The following MGAT5 variants were observed in gnomAD, a reference collection of about 807,000 sequenced individuals.
MGAT5 encodes the protein alpha-1,6-mannosylglycoprotein 6-beta-N-acetylglucosaminyltransferase.
Under a neutral mutation model 94.3 loss-of-function variants are expected in MGAT5, and 30 were observed. The observed-to-expected ratio is 0.32, with a 90% CI of 0.24 to 0.43. MGAT5 has a LOEUF of 0.43. Ranked by LOEUF, MGAT5 falls within the 20% of genes least tolerant of loss-of-function variation. The pLI is 1.00. For synonymous variants in MGAT5, 310 were observed against 322.9 expected, an observed-to-expected ratio of 0.96 and a Z score of 0.43; for missense variants, 691 against 905.5, an observed-to-expected ratio of 0.76 and a Z score of 3.04.
rs143288907 is a variant in MGAT5, at chr2:134,303,277, T to A, written c.407-14252T>A. On this transcript the variant is annotated intron_variant, in intron 2 of 15. Transcript: ENST00000281923. ...TAGTTCTCCAACAGTTGCGTCATCTTGTTTTTGTTGACTGTTTTTCTTGCC... is the reference window on the plus strand; with the variant it reads ...TAGTTCTCCAACAGTTGCGTCATCTAGTTTTTGTTGACTGTTTTTCTTGCC... Among the ~76,000 whole-genome samples the A allele has an allele frequency of 3.2e-3, 494 of 152,318 alleles. 4 individuals are homozygous for A. Among genetic ancestry groups the A allele is most frequent in the African/African-American group, 0.011 (474 of 41,580 alleles).
At chr2:134,274,257 A>G (rs544435283) in intron 2 of MGAT5, among the ~76,000 whole-genome samples, 2 of 152,324 alleles carry the variant, frequency 1.3e-5, no homozygotes, top group South Asian at 4.1e-4. Context: ...ATTGGTTTCT[A>G]TTGGAGGGAA....
chr2:134,338,512 C>T, intron 6 of MGAT5, 92 bp downstream of exon 6: 1 of 1,342,448 alleles, frequency 7.4e-7, no homozygotes, highest in Non-Finnish European at 1.0e-6. Flanking sequence ...AATGTCATAT[C>T]TCAAATGATA....
At chr2:134,143,783 T>G (rs1213239176) in intron 1 of MGAT5, among the ~76,000 whole-genome samples, 2 of 152,240 alleles carry the variant, frequency 1.3e-5, no homozygotes, top group East Asian at 3.8e-4. Flanking sequence ...GGTTACTGTG[T>G]ATTCATTTAA....
intron 10 of MGAT5, among the ~76,000 whole-genome samples, chr2:134,400,864 T>A (rs551655497): frequency 6.6e-6 from 1 of 152,094 alleles, no homozygotes; most frequent in South Asian, 2.1e-4. Context: ...TGTAGATGAG[T>A]GAAATCCACA....
intron 2 of MGAT5, among the ~76,000 whole-genome samples, chr2:134,279,543 C>T (rs373686747): frequency 1.3e-5 from 2 of 152,088 alleles, no homozygotes; most frequent in Non-Finnish European, 1.5e-5. Flanking sequence ...TGTTTCATTT[C>T]GAAAAGTGAG....
rs1558841803 is a variant in MGAT5, at chr2:134,381,391, T to TA, written c.1380+18984dup. Among the ~76,000 whole-genome samples the TA allele has an allele frequency of 2.5e-3, 196 of 79,952 alleles. 3 individuals carry two copies. The highest frequency in any genetic ancestry group is 7.4e-3 in the African/African-American group (152 of 20,546). 52.5% of individuals were successfully genotyped at this position (79,952 alleles called of 152,430 possible). A position where few individuals can be genotyped will look rare whatever the true frequency, so the allele number is the denominator to read the frequency against. ...GATAAGATAAGATAGATTAGATAGA[T>TA]AGATAGATAGATAGATAGATAGATA... is the stretch of plus-strand genomic sequence containing the variant. On this transcript the variant is annotated intron_variant, in intron 10 of 15. Coordinates refer to ENST00000281923, the MANE Select transcript of MGAT5 (RefSeq NM_002410.5).
intron 1 of MGAT5, among the ~76,000 whole-genome samples, chr2:134,182,744 C>T (rs1228486802): frequency 3.4e-5 from 5 of 146,532 alleles, no homozygotes; most frequent in African/African-American, 1.2e-4. Flanking sequence ...TTCTTTGTTA[C>T]ATAAATGGAA....
At chr2:134,398,223 C>T (rs141028341) in intron 10 of MGAT5, among the ~76,000 whole-genome samples, 7 of 152,296 alleles carry the variant, frequency 4.6e-5, no homozygotes, top group East Asian at 1.9e-4. Flanking sequence ...TTTTGGATGA[C>T]GTGAGCTGTG....
At chr2:134,283,130 A>T (rs894730975) in intron 2 of MGAT5, among the ~76,000 whole-genome samples, 2 of 152,092 alleles carry the variant, frequency 1.3e-5, no homozygotes, top group Non-Finnish European at 2.9e-5. Flanking sequence ...ATGTGATGAG[A>T]CTTGTGTGCG....
chr2:134,224,467 T>C (rs1274165410), intron 1 of MGAT5, among the ~76,000 whole-genome samples: 1 of 152,170 alleles, frequency 6.6e-6, no homozygotes, highest in East Asian at 1.9e-4. Context: ...GAGAAGAGTG[T>C]TTATAGCTTT....
chr2:134,424,704 T>A (rs1198085993), intron 13 of MGAT5, among the ~76,000 whole-genome samples: 1 of 152,188 alleles, frequency 6.6e-6, no homozygotes, highest in Non-Finnish European at 1.5e-5. Context: ...TTCTCTCTGT[T>A]CTGGAAGCAA....
intron 10 of MGAT5, among the ~76,000 whole-genome samples, chr2:134,384,875 C>T (rs1681872450): frequency 6.6e-6 from 1 of 151,978 alleles, no homozygotes; most frequent in African/African-American, 2.4e-5. Flanking sequence ...ACAACTTTAC[C>T]TTTAAAAAGG....
chr2:134,336,602 G>A (rs918015750), intron 5 of MGAT5, among the ~76,000 whole-genome samples: 10 of 152,144 alleles, frequency 6.6e-5, no homozygotes, highest in African/African-American at 2.4e-4. Flanking sequence ...CACAAATGCT[G>A]TAATATAGGC....
intron 1 of MGAT5, among the ~76,000 whole-genome samples, chr2:134,139,615 C>G (rs935626532): frequency 1.3e-5 from 2 of 152,116 alleles, no homozygotes; most frequent in African/African-American, 4.8e-5. Flanking sequence ...ACAGCCCAGC[C>G]ATGAAAAGGA....
At chr2:134,337,850 T>C (rs1310475301) in intron 5 of MGAT5, among the ~76,000 whole-genome samples, 1 of 147,992 alleles carries the variant, frequency 6.8e-6, no homozygotes, top group East Asian at 1.9e-4. Context: ...ACTTCCACGT[T>C]GTCAAACAGC....
chr2:134,357,996 T>G (rs1463873417), intron 9 of MGAT5, among the ~76,000 whole-genome samples: 3 of 152,282 alleles, frequency 2.0e-5, no homozygotes, highest in African/African-American at 7.2e-5. Flanking sequence ...CTACCGTCGG[T>G]TTTATCAGGA....
At chr2:134,201,889 C>G (rs1679807366) in intron 1 of MGAT5, among the ~76,000 whole-genome samples, 1 of 138,778 alleles carries the variant, frequency 7.2e-6, no homozygotes, top group East Asian at 2.2e-4. Flanking sequence ...GATTAGCACT[C>G]TGGCTTGAAA....
At chr2:134,392,070 G>A (rs1189026171) in intron 10 of MGAT5, among the ~76,000 whole-genome samples, 3 of 152,186 alleles carry the variant, frequency 2.0e-5, no homozygotes, top group Admixed American at 1.3e-4. Context: ...GCACTCAGAA[G>A]CTGCCTGAGA....
intron 5 of MGAT5, among the ~76,000 whole-genome samples, chr2:134,337,337 T>C (rs1688391601): frequency 6.6e-6 from 1 of 152,074 alleles, no homozygotes; most frequent in African/African-American, 2.4e-5. Flanking sequence ...TAGCTGAGCG[T>C]GGTGGCGAGT....
Sources: allele counts gnomAD v4.1 joint callset (sites outside exome capture counted in the v4.1 genomes callset), GRCh38; gene constraint gnomAD v4.1.1; transcripts MANE v1.5; gene names NCBI Gene and HGNC (gene_info 2026-07-23, HGNC 2026-07-21).